The following CREB3L2 variants were observed in gnomAD, a reference collection of about 807,000 sequenced individuals.
The protein encoded by CREB3L2 is cAMP responsive element binding protein 3 like 2, also known as cyclic AMP-responsive element-binding protein 3-like protein 2.
In CREB3L2, 23 loss-of-function variants were observed where a neutral mutation model predicts 57.2. The observed-to-expected ratio is 0.40, with a 90% CI of 0.29 to 0.57. The LOEUF (loss-of-function observed/expected upper bound fraction) is 0.57. CREB3L2 is among the 20% of genes least tolerant of loss of function. The probability of loss-of-function intolerance (pLI) is 0.42; values close to 1 mark genes in which losing one functional copy is unlikely to be tolerated. For synonymous variants in CREB3L2, 268 were observed against 265.1 expected, an observed-to-expected ratio of 1.01 and a Z score of -0.11; for missense variants, 628 against 634.7, an observed-to-expected ratio of 0.99 and a Z score of 0.11.
intron 1 of CREB3L2, among the ~76,000 whole-genome samples, chr7:137,936,869 G>A (rs561104055): frequency 1.3e-5 from 2 of 152,338 alleles, no homozygotes; most frequent in African/African-American, 4.8e-5. Flanking sequence ...ATGGAGCTAC[G>A]AAGGTTTTTC....
intron 11 of CREB3L2, among the ~76,000 whole-genome samples, chr7:137,881,746 C>T (rs970798932): frequency 6.6e-6 from 1 of 152,116 alleles, no homozygotes; most frequent in African/African-American, 2.4e-5. Flanking sequence ...GCCCAGGGAC[C>T]TCCCCTATTA....
At chr7:137,989,420 G>T (rs1801847460) in intron 1 of CREB3L2, among the ~76,000 whole-genome samples, 2 of 145,378 alleles carry the variant, frequency 1.4e-5, no homozygotes, top group South Asian at 4.4e-4. Flanking sequence ...GAATTTTCCT[G>T]GCTTTTCTCC....
At chr7:137,905,882 A>G (rs1258493582) in intron 5 of CREB3L2, 34 bp from the exon 6 acceptor site, 1 of 1,559,130 alleles carries the variant, frequency 6.4e-7, no homozygotes, top group East Asian at 2.2e-5. Context: ...AGGGTCAAAG[A>G]AAAAGAACTG....
At chr7:137,903,747 C>T (rs1357325576) in intron 7 of CREB3L2, among the ~76,000 whole-genome samples, 2 of 152,244 alleles carry the variant, frequency 1.3e-5, no homozygotes, top group African/African-American at 4.8e-5. Context: ...ATGATTCAAA[C>T]ACCTACTAAG....
intron 1 of CREB3L2, among the ~76,000 whole-genome samples, chr7:137,981,116 T>G (rs906155268): frequency 6.6e-6 from 1 of 151,800 alleles, no homozygotes; most frequent in Non-Finnish European, 1.5e-5. Flanking sequence ...TGAGCAAAGC[T>G]CTAGGAAAAC....
intron 1 of CREB3L2, among the ~76,000 whole-genome samples, chr7:137,981,520 G>A (rs1489851874): frequency 1.3e-5 from 2 of 152,176 alleles, no homozygotes; most frequent in Non-Finnish European, 2.9e-5. Flanking sequence ...ATAAGTATGG[G>A]GCTAGAAAAC....
At chr7:137,971,888 T>A (rs1801513332) in intron 1 of CREB3L2, among the ~76,000 whole-genome samples, 1 of 151,840 alleles carries the variant, frequency 6.6e-6, no homozygotes, top group Non-Finnish European at 1.5e-5. Flanking sequence ...ATAGATAGGC[T>A]GCTCTGTCTA....
At chr7:137,932,796 C>A (rs1800681439) in intron 1 of CREB3L2, among the ~76,000 whole-genome samples, 1 of 152,208 alleles carries the variant, frequency 6.6e-6, no homozygotes, top group Admixed American at 6.5e-5. Context: ...AAACTTCAGA[C>A]AGACGCTGGG....
At chr7:137,921,867 C>G (rs984492285) in intron 2 of CREB3L2, among the ~76,000 whole-genome samples, 9 of 152,092 alleles carry the variant, frequency 5.9e-5, no homozygotes, top group Non-Finnish European at 1.3e-4. Flanking sequence ...ACCTCCCAGG[C>G]CCAAGCGATC....
intron 2 of CREB3L2, among the ~76,000 whole-genome samples, chr7:137,926,520 T>C (rs149587762): frequency 0.033 from 5,022 of 151,508 alleles, 146 homozygotes; most frequent in East Asian, 0.071. Context: ...TAAGTGGGAG[T>C]TGAACAATGA....
At chr7:137,922,716 C>A in intron 2 of CREB3L2, 1 of 430,612 alleles carries the variant, frequency 2.3e-6, no homozygotes, top group Non-Finnish European at 4.7e-6. Flanking sequence ...GATGCAAAAC[C>A]CAAGCACAGG....
intron 5 of CREB3L2, among the ~76,000 whole-genome samples, chr7:137,906,944 CG>C (rs1799902553): frequency 6.6e-6 from 1 of 152,112 alleles, no homozygotes; most frequent in Admixed American, 6.6e-5. Context: ...TGCCCAATCT[CG>C]GGTATGTCTT....
intron 1 of CREB3L2, among the ~76,000 whole-genome samples, chr7:137,989,358 A>ATTTG (rs1048157495): frequency 6.7e-6 from 1 of 148,236 alleles, no homozygotes; most frequent in African/African-American, 2.5e-5. Flanking sequence ...CTCAACCCTT[A>ATTTG]TTTGTACTGA....
At chr7:137,991,288 C>T (rs1369722032) in intron 1 of CREB3L2, among the ~76,000 whole-genome samples, 3 of 151,742 alleles carry the variant, frequency 2.0e-5, no homozygotes, top group African/African-American at 4.8e-5. Context: ...CTCAGCCTCC[C>T]GAGTAGCTGG....
At chr7:137,998,039 AT>A (rs1178971965) in intron 1 of CREB3L2, among the ~76,000 whole-genome samples, 1 of 152,198 alleles carries the variant, frequency 6.6e-6, no homozygotes, top group East Asian at 1.9e-4. Flanking sequence ...TATGGAAACA[AT>A]TTTTTAAGCT....
chr7:137,924,164 T>A (rs1273246865), intron 2 of CREB3L2, among the ~76,000 whole-genome samples: 1 of 152,220 alleles, frequency 6.6e-6, no homozygotes, highest in Non-Finnish European at 1.5e-5. Context: ...TTATCCATGT[T>A]CCTGGCCCAC....
chr7:137,960,923 C>A (rs1801310642), intron 1 of CREB3L2, among the ~76,000 whole-genome samples: 1 of 141,238 alleles, frequency 7.1e-6, no homozygotes, highest in African/African-American at 2.7e-5. Context: ...AAGTGATTCT[C>A]CTACCTCAGC....
chr7:137,884,740 G>C, intron 10 of CREB3L2: 1 of 607,914 alleles, frequency 1.6e-6, no homozygotes, highest in Non-Finnish European at 2.9e-6. Context: ...TGTCAGAATG[G>C]ATCAGGGAAC....
At chr7:137,915,732 G>A in intron 3 of CREB3L2, 105 bp downstream of exon 3, 9 of 961,722 alleles carry the variant, frequency 9.4e-6, no homozygotes, top group Non-Finnish European at 1.4e-5. Flanking sequence ...GTCCTTAAAT[G>A]TACACAGCCA....
Sources: allele counts gnomAD v4.1 joint callset (sites outside exome capture counted in the v4.1 genomes callset), GRCh38; gene constraint gnomAD v4.1.1; transcripts MANE v1.5; gene names NCBI Gene and HGNC (gene_info 2026-07-23, HGNC 2026-07-21).